Variants in SIN3A observed in about 807,000 individuals in gnomAD.
The protein encoded by SIN3A is SIN3 transcription regulator family member A.
A neutral mutation model predicts 146.1 loss-of-function variants in SIN3A; 14 were observed. The observed-to-expected ratio is 0.10, with a 90% confidence interval of 0.06 to 0.15. SIN3A has a LOEUF of 0.15. SIN3A is among the 10% of genes least tolerant of loss of function. The probability of loss-of-function intolerance (pLI) is 1.00; values close to 1 mark genes in which losing one functional copy is unlikely to be tolerated. For missense variants in SIN3A, 1,028 were observed against 1,576.0 expected (o/e 0.65, Z 5.89); for synonymous variants, 572 against 572.0 (o/e 1.00, Z 0.00).
intron 2 of SIN3A, 101 bp downstream of exon 2, chr15:75,430,086 C>A (rs2073989892): frequency 3.5e-6 from 3 of 850,356 alleles, no homozygotes; most frequent in Admixed American, 2.7e-5. Flanking sequence ...ACATACTCAA[C>A]AATTTTTAAT....
chr15:75,429,759 T>C (rs2073983887), intron 2 of SIN3A, among the ~76,000 whole-genome samples: 1 of 152,120 alleles, frequency 6.6e-6, no homozygotes, highest in African/African-American at 2.4e-5. Flanking sequence ...TGCATGTAAT[T>C]TACACTACAG....
At chr15:75,427,972 A>AAAATAAAT (rs544412385) in intron 2 of SIN3A, among the ~76,000 whole-genome samples, 16 of 151,932 alleles carry the variant, frequency 1.1e-4, no homozygotes, top group African/African-American at 2.9e-4. Flanking sequence ...ACTCCATCTC[A>AAAATAAAT]AAATAAATAA....
intron 3 of SIN3A, chr15:75,415,356 C>G (rs1490401961): frequency 6.5e-6 from 1 of 153,380 alleles, no homozygotes; most frequent in Non-Finnish European, 1.5e-5. Context: ...GAAGAACAGT[C>G]AAGAGTGACT....
chr15:75,391,593 G>C (rs1168560092), intron 15 of SIN3A, among the ~76,000 whole-genome samples: 1 of 151,896 alleles, frequency 6.6e-6, no homozygotes, highest in East Asian at 1.9e-4. Flanking sequence ...AAAGCTTTTG[G>C]CTCACAGCTC....
At chr15:75,399,581 A>C (rs748062757) in intron 12 of SIN3A, among the ~76,000 whole-genome samples, 5 of 152,154 alleles carry the variant, frequency 3.3e-5, no homozygotes, top group Admixed American at 6.5e-5. Context: ...CAAAGCAATC[A>C]ATACCAGAAA....
intron 6 of SIN3A, 123 bp downstream of exon 6, chr15:75,411,369 T>C: frequency 7.5e-6 from 8 of 1,065,618 alleles, no homozygotes; most frequent in Non-Finnish European, 1.1e-5. Context: ...AAAACATGCA[T>C]GATAGTTTCT....
At chr15:75,377,875 T>G (rs751499669) in intron 19 of SIN3A, among the ~76,000 whole-genome samples, 1 of 152,214 alleles carries the variant, frequency 6.6e-6, no homozygotes, top group Non-Finnish European at 1.5e-5. Flanking sequence ...AGCCAAGTAT[T>G]TGGCAGATGT....
intron 17 of SIN3A, among the ~76,000 whole-genome samples, chr15:75,383,075 C>T (rs2073005102): frequency 6.6e-6 from 1 of 150,506 alleles, no homozygotes; most frequent in Admixed American, 6.6e-5. Context: ...ACAACCTGGA[C>T]AACCTGGACA....
In SIN3A at chr15:75,394,667, A is replaced by ACC. The variant is rs757388046; in HGVS notation, c.2277+11_2277+12dup. 35 of 1,588,692 alleles carry ACC rather than the reference A, an allele frequency of 2.2e-5. No individual in the cohort carries two copies. Among genetic ancestry groups the ACC allele is most frequent in the Non-Finnish European group, 3.0e-5 (35 of 1,169,128 alleles). ...CTAGAGTCCTCTCACAGATGCAGAA[A>ACC]CCCCCCGCTCACCTCATCATAGATA... On this transcript the variant is annotated intron_variant, in intron 14 of 20. Coordinates refer to ENST00000394947, the MANE Select transcript of SIN3A (RefSeq NM_001145358.2).
chr15:75,436,190 C>T (rs4486847), intron 1 of SIN3A, among the ~76,000 whole-genome samples: 1 of 151,268 alleles, frequency 6.6e-6, no homozygotes, highest in Non-Finnish European at 1.5e-5. Context: ...ATGCTAGCCA[C>T]GCACAATGGC....
intron 14 of SIN3A, among the ~76,000 whole-genome samples, chr15:75,393,987 T>C (rs1014982190): frequency 6.6e-6 from 1 of 152,024 alleles, no homozygotes; most frequent in Non-Finnish European, 1.5e-5. Flanking sequence ...TTTGTATTTT[T>C]AGTAAAGACG....
intron 3 of SIN3A, chr15:75,421,814 AAC>A (rs986952100): frequency 2.0e-5 from 3 of 152,238 alleles, no homozygotes; most frequent in African/African-American, 7.2e-5. Flanking sequence ...TTTGAAAAGT[AAC>A]ATTCAAGTGG....
chr15:75,372,022 T>C lies in SIN3A; in HGVS notation c.3779A>G (p.Asn1260Ser). ...TGTGCCGTATTTGACACGATACTTG[T>C]TAATGCTCACAAAATGCAGGGTCTC... ...DTETLHFVSINKYRVKYGTVF... is the reference protein window; with the variant it reads ...DTETLHFVSISKYRVKYGTVF... Residue 1260 changes from asparagine (N) to serine (S), a missense_variant, in exon 21 of 21, where the codon AAC (asparagine) becomes AGC (serine). Transcript: ENST00000394947. The C allele has an allele frequency of 6.2e-7, 1 of 1,614,212 alleles. No individual in the cohort carries two copies. Among genetic ancestry groups the C allele is most frequent in the Non-Finnish European group, 8.5e-7 (1 of 1,180,048 alleles).
chr15:75,388,350 C>G (rs1214469789), intron 16 of SIN3A: 1 of 153,030 alleles, frequency 6.5e-6, no homozygotes, highest in Admixed American at 6.5e-5. Context: ...CCCAGAAGAT[C>G]TGCAGATGCA....
At chr15:75,408,922 G>C (rs2073572515) in intron 8 of SIN3A, among the ~76,000 whole-genome samples, 1 of 152,188 alleles carries the variant, frequency 6.6e-6, no homozygotes, top group Non-Finnish European at 1.5e-5. Context: ...AAGAAGAAGG[G>C]GCCAGGCGCG....
chr15:75,401,787 T>G (rs773555076), intron 10 of SIN3A, 65 bp downstream of exon 10: 2 of 986,374 alleles, frequency 2.0e-6, no homozygotes, highest in Non-Finnish European at 3.2e-6. Flanking sequence ...TCATATACTC[T>G]CACAAATCAA....
rs778864787 is a variant in SIN3A at position 75,430,167 on chromosome 15, C to T, written c.189+20G>A. 8.8e-6 allele frequency: 14 copies of T among 1,596,060 alleles called. No individual in the cohort carries two copies. The African/African-American group carries it at 1.2e-4, about 14-fold the overall frequency. ...TATTTCTCTTCCCTCATTCTAGTCC[C>T]TTGGTTGGCTCCAGCTTACCTGGTA... On this transcript the variant is annotated intron_variant, in intron 2 of 20. Coordinates refer to ENST00000394947, the MANE Select transcript of SIN3A (RefSeq NM_001145358.2).
At chr15:75,380,499 G>T in intron 19 of SIN3A, 130 bp downstream of exon 19, 1 of 686,024 alleles carries the variant, frequency 1.5e-6, no homozygotes, top group Non-Finnish European at 2.6e-6. Context: ...ATAAAACCTT[G>T]AATTAGCATC....
chr15:75,379,655 T>C (rs2072928490), intron 19 of SIN3A, among the ~76,000 whole-genome samples: 1 of 152,266 alleles, frequency 6.6e-6, no homozygotes, highest in Non-Finnish European at 1.5e-5. Context: ...TCTTTTCCCA[T>C]GTTCTCATTA....
Sources: allele counts gnomAD v4.1 joint callset (sites outside exome capture counted in the v4.1 genomes callset), GRCh38; gene constraint gnomAD v4.1.1; transcripts MANE v1.5; gene names NCBI Gene and HGNC (gene_info 2026-07-23, HGNC 2026-07-21).